Variants in SORCS1 observed in about 807,000 individuals in gnomAD.
SORCS1 encodes the protein sortilin related VPS10 domain containing receptor 1.
In SORCS1, 60 loss-of-function variants were observed where a neutral mutation model predicts 146.1. The observed-to-expected ratio is 0.41, with a 90% CI of 0.33 to 0.51. The LOEUF (loss-of-function observed/expected upper bound fraction) is 0.51. Among genes scored for constraint, SORCS1 ranks in the 20% least tolerant of loss-of-function variants. The pLI, the probability that SORCS1 is intolerant of heterozygous loss-of-function variation, is 0.21. For synonymous variants in SORCS1, 637 were observed against 584.0 expected (o/e 1.09, Z -1.31); for missense variants, 1,352 against 1,487.6 (o/e 0.91, Z 1.50).
At chr10:107,152,421 G>A (rs1320799996) in intron 1 of SORCS1, among the ~76,000 whole-genome samples, 6 of 152,158 alleles carry the variant, frequency 3.9e-5, no homozygotes, top group Non-Finnish European at 7.4e-5. Context: ...CAGAATGGTA[G>A]ATCCACCGAC....
At position 106,976,333 on chromosome 10, in the gene SORCS1, G is replaced by GTTTGTT. The variant is rs1956008127; in HGVS notation, c.559-19754_559-19753insAACAAA. On this transcript the variant is annotated intron_variant, in intron 1 of 25. Coordinates refer to ENST00000263054, the MANE Select transcript of SORCS1 (RefSeq NM_052918.5). ...ATCAACTCATCATCTAGGTTTTTTT[G>GTTTGTT]TTTTTTTTTTTTTTTTGAGACGGAG... is the stretch of plus-strand genomic sequence containing the variant. Among the ~76,000 whole-genome samples the GTTTGTT allele has an allele frequency of 1.1e-3, 126 of 113,792 alleles. 2 individuals carry two copies. The East Asian group carries it at 0.027, about 24-fold the overall frequency. 74.7% of individuals were successfully genotyped at this position (113,792 alleles called of 152,430 possible). A position where few individuals can be genotyped will look rare whatever the true frequency, so the allele number is the denominator to read the frequency against.
Position 106,761,602 on chromosome 10 carries a change from T to G in SORCS1, c.945A>C (p.Pro315=), listed in dbSNP as rs1445946020. The change falls in exon 5 of 26, where the codon CCA becomes CCC. Residue 315 remains proline (P), a synonymous_variant. Coordinates refer to ENST00000263054, the MANE Select transcript of SORCS1 (RefSeq NM_052918.5). The part of the protein sequence containing the change: ...RWQLIQEGVV[P]NRFYWSVMGS... Reference sequence around the variant, plus strand: ...GTGAGACTTACCAGTAGAACCTGTTTGGTACAACCCCTTCTTGGATAAGCT... The same window carrying G: ...GTGAGACTTACCAGTAGAACCTGTTGGGTACAACCCCTTCTTGGATAAGCT... 2 of 1,614,152 alleles carry G rather than the reference T, an allele frequency of 1.2e-6. No homozygotes were observed.
chr10:106,977,662 A>T (rs1230825351), intron 1 of SORCS1, among the ~76,000 whole-genome samples: 8 of 150,038 alleles, frequency 5.3e-5, no homozygotes. Context: ...CTAGGACAGC[A>T]CCTGACATAA....
At chr10:106,603,007 A>G (rs769230238) in intron 23 of SORCS1, among the ~76,000 whole-genome samples, 1 of 152,058 alleles carries the variant, frequency 6.6e-6, no homozygotes, top group African/African-American at 2.4e-5. Flanking sequence ...AGAAATATAT[A>G]TATTTTTGTG....
intron 3 of SORCS1, among the ~76,000 whole-genome samples, chr10:106,794,142 G>T (rs578107218): frequency 7.6e-4 from 115 of 152,258 alleles, no homozygotes; most frequent in African/African-American, 2.7e-3. Flanking sequence ...AAAGAGCACT[G>T]TTTAACAGAT....
chr10:106,963,110 A>ATTTTTTTTTTTTTTTTTTTTTTT (rs749174613), intron 1 of SORCS1, among the ~76,000 whole-genome samples: 5 of 76,310 alleles, frequency 6.6e-5, no homozygotes, highest in South Asian at 6.4e-4. Context: ...AATGGCCAGA[A>ATTTTTTTTTTTTTTTTTTTTTTT]TTTTTTTTTT....
At chr10:106,755,710 T>A (rs979112695) in intron 5 of SORCS1, among the ~76,000 whole-genome samples, 3 of 152,196 alleles carry the variant, frequency 2.0e-5, no homozygotes, top group Non-Finnish European at 4.4e-5. Context: ...GGTAGATATG[T>A]GTCTGACCTA....
chr10:107,082,783 T>A lies in SORCS1; in HGVS notation c.558+81186A>T, dbSNP rs76825471. On this transcript the variant is annotated intron_variant, in intron 1 of 25. Transcript: ENST00000263054. ...TAAGCCACTGTACCTGGCCTGGTGT[T>A]TCATTTTGTTTTGTTTTTACAAATG... Among the ~76,000 whole-genome samples, 1,238 of 152,256 alleles carry A rather than the reference T, an allele frequency of 8.1e-3. 26 individuals are homozygous for A. Among genetic ancestry groups the A allele is most frequent in the African/African-American group, 0.028 (1,183 of 41,548 alleles).
chr10:106,628,147 T>C (rs1394022520), intron 19 of SORCS1, among the ~76,000 whole-genome samples: 1 of 152,178 alleles, frequency 6.6e-6, no homozygotes, highest in Non-Finnish European at 1.5e-5. Context: ...GCATGTTTCT[T>C]TGAAGCACCT....
chr10:106,978,797 CA>C (rs35921955), intron 1 of SORCS1, among the ~76,000 whole-genome samples: 32,493 of 127,170 alleles, frequency 0.26, 4,078 homozygotes, highest in Middle Eastern at 0.39. Context: ...GACTCCATCT[CA>C]AAAAAAAAAA....
intron 1 of SORCS1, among the ~76,000 whole-genome samples, chr10:107,088,127 C>A (rs1436708588): frequency 1.8e-5 from 1 of 54,966 alleles, no homozygotes; most frequent in Non-Finnish European, 4.4e-5. Context: ...ACCGTGTTAG[C>A]CAGGATGGTC....
At chr10:107,156,993 C>T (rs1156311884) in intron 1 of SORCS1, among the ~76,000 whole-genome samples, 3 of 152,128 alleles carry the variant, frequency 2.0e-5, no homozygotes, top group Non-Finnish European at 2.9e-5. Flanking sequence ...TAAACAATGC[C>T]AAGAGCATGA....
intron 10 of SORCS1, among the ~76,000 whole-genome samples, chr10:106,685,122 T>C (rs1361705879): frequency 6.6e-6 from 1 of 152,222 alleles, no homozygotes; most frequent in East Asian, 1.9e-4. Flanking sequence ...TGGGTTCCAC[T>C]TGAGCCCACG....
In SORCS1 at chr10:107,164,187, C is replaced by T; in HGVS notation, c.340G>A (p.Asp114Asn). 2 of 1,611,534 alleles carry T rather than the reference C, an allele frequency of 1.2e-6. No individual in the cohort carries two copies. The highest frequency in any genetic ancestry group is 1.7e-6 in the Non-Finnish European group (2 of 1,179,978). ...RSGRRRRSGA[D>N]QEKAERGEGA... ...TCTCCCCGTTCTGCCTTCTCCTGAT[C>T]CGCTCCGCTCCGTCTCCTCCGGCCG... The change falls in exon 1 of 26, where the codon GAT (aspartate) becomes AAT (asparagine). Residue 114 changes from aspartate to asparagine, a missense_variant. Coordinates refer to ENST00000263054, the MANE Select transcript of SORCS1 (RefSeq NM_052918.5). The surrounding 1 kb of genome is among the most constrained non-coding windows in gnomAD (Gnocchi z 6.8).
chr10:107,002,528 T>C (rs146555248), intron 1 of SORCS1, among the ~76,000 whole-genome samples: 19 of 152,322 alleles, frequency 1.2e-4, no homozygotes, highest in Non-Finnish European at 1.8e-4. Flanking sequence ...GCAAAAACTA[T>C]AGCTAATGAG....
At chr10:106,711,702 A>C (rs1386795120) in intron 6 of SORCS1, among the ~76,000 whole-genome samples, 1 of 152,202 alleles carries the variant, frequency 6.6e-6, no homozygotes, top group Non-Finnish European at 1.5e-5. Flanking sequence ...ATTAAATTAG[A>C]GTCCTCTATT....
intron 2 of SORCS1, among the ~76,000 whole-genome samples, chr10:106,860,124 A>T (rs781510070): frequency 1.8e-4 from 27 of 152,348 alleles, no homozygotes; most frequent in Non-Finnish European, 3.7e-4. Flanking sequence ...TATAAGAGAG[A>T]TTAGTGACTC....
chr10:107,005,048 C>T (rs900901934), intron 1 of SORCS1, among the ~76,000 whole-genome samples: 4 of 152,212 alleles, frequency 2.6e-5, no homozygotes, highest in East Asian at 3.9e-4. Context: ...GTAAGAGCCC[C>T]GGGGTGGTCA....
At position 107,136,345 on chromosome 10, in the gene SORCS1, G is replaced by A. The variant is rs536926583; in HGVS notation, c.558+27624C>T. ...TAAAAACCAAAAAGAATGAGAGAACGGAGCTCAAACAATAAGTCTTTACTT... is the reference window on the plus strand; with the variant it reads ...TAAAAACCAAAAAGAATGAGAGAACAGAGCTCAAACAATAAGTCTTTACTT... On this transcript the variant is annotated intron_variant, in intron 1 of 25. Coordinates refer to ENST00000263054, the MANE Select transcript of SORCS1 (RefSeq NM_052918.5). Among the ~76,000 whole-genome samples, 8 of 152,206 alleles carry A rather than the reference G, an allele frequency of 5.3e-5. No homozygotes were observed. In the East Asian group the frequency reaches 5.8e-4, roughly 11 times the overall value.
Sources: gnomAD v4.1 joint callset for allele counts (sites outside exome capture counted in the v4.1 genomes callset) on GRCh38, gnomAD v4.1.1 for gene constraint, Gnocchi (gnomAD v3.1) non-coding constraint, MANE v1.5 for transcripts, NCBI Gene and HGNC (gene_info 2026-07-23, HGNC 2026-07-21) for gene names.